The following IMMP2L variants were observed in gnomAD, a reference collection of about 807,000 sequenced individuals.
IMMP2L encodes inner mitochondrial membrane peptidase subunit 2, also known as mitochondrial inner membrane protease subunit 2.
Under a neutral mutation model 19.3 loss-of-function variants are expected in IMMP2L, and 18 were observed. That is an observed-to-expected ratio of 0.93 (90% CI 0.64 to 1.38). The LOEUF is 1.38. IMMP2L is among the 40% of genes most tolerant of loss of function. The pLI is 0.00. For missense variants in IMMP2L, 233 were observed against 218.2 expected (o/e 1.07, Z -0.43); for synonymous variants, 76 against 73.0 (o/e 1.04, Z -0.21).
intron 2 of IMMP2L, among the ~76,000 whole-genome samples, chr7:111,499,921 C>A (rs1414633530): frequency 6.6e-6 from 1 of 152,068 alleles, no homozygotes; most frequent in Non-Finnish European, 1.5e-5. Context: ...TCTGAGGTAC[C>A]GGGTTCATCT....
At chr7:111,249,934 G>C (rs192800653) in intron 3 of IMMP2L, among the ~76,000 whole-genome samples, 175 of 152,232 alleles carry the variant, frequency 1.1e-3, no homozygotes, top group Non-Finnish European at 2.2e-3. Flanking sequence ...AGAAATAAAG[G>C]ATATTCAAAC....
At chr7:110,682,776 T>G (rs973643740) in intron 5 of IMMP2L, among the ~76,000 whole-genome samples, 1 of 152,064 alleles carries the variant, frequency 6.6e-6, no homozygotes, top group Non-Finnish European at 1.5e-5. Flanking sequence ...AAGTAGAACT[T>G]AGAGATTCAG....
At chr7:110,948,541 C>T (rs1817483832) in intron 4 of IMMP2L, among the ~76,000 whole-genome samples, 1 of 152,122 alleles carries the variant, frequency 6.6e-6, no homozygotes, top group South Asian at 2.1e-4. Context: ...GAATAGTATT[C>T]TGATACAGAA....
At chr7:111,195,881 C>CATTTT (rs1181064427) in intron 3 of IMMP2L, among the ~76,000 whole-genome samples, 1 of 67,262 alleles carries the variant, frequency 1.5e-5, no homozygotes, top group Admixed American at 1.6e-4. Context: ...CATTTCATTT[C>CATTTT]ATTTTATTTT....
chr7:110,807,939 A>G (rs531932268), intron 5 of IMMP2L, among the ~76,000 whole-genome samples: 3 of 152,160 alleles, frequency 2.0e-5, no homozygotes, highest in Admixed American at 2.0e-4. Flanking sequence ...TATGATTACA[A>G]TGGTTTCTAG....
At chr7:111,484,976 CAG>C (rs1460089523) in intron 3 of IMMP2L, among the ~76,000 whole-genome samples, 1 of 151,990 alleles carries the variant, frequency 6.6e-6, no homozygotes, top group African/African-American at 2.4e-5. Flanking sequence ...TTTGTAGAGA[CAG>C]GGTTTCACCG....
chr7:111,129,000 T>C (rs1307946955), intron 3 of IMMP2L, among the ~76,000 whole-genome samples: 1 of 152,220 alleles, frequency 6.6e-6, no homozygotes, highest in African/African-American at 2.4e-5. Context: ...CAACTTACTC[T>C]ATCCACATTA....
chr7:111,016,966 TATA>T (rs1206815649), intron 3 of IMMP2L, among the ~76,000 whole-genome samples: 1 of 122,544 alleles, frequency 8.2e-6, no homozygotes, highest in Non-Finnish European at 1.6e-5. Flanking sequence ...TAATTATATG[TATA>T]ATTATATATA....
chr7:111,119,068 A>G lies in IMMP2L; in HGVS notation c.240-155503T>C, dbSNP rs145843136. ...CCCCAGAAAGAATGCCTCATCTTTAATATTTCCAAACCTCTAGTTAACTTA... is the reference window on the plus strand; with the variant it reads ...CCCCAGAAAGAATGCCTCATCTTTAGTATTTCCAAACCTCTAGTTAACTTA... On this transcript the variant is annotated intron_variant, in intron 3 of 5. Coordinates refer to ENST00000405709, the MANE Select transcript of IMMP2L (RefSeq NM_032549.4). Among the ~76,000 whole-genome samples the G allele has an allele frequency of 3.1e-3, 468 of 152,318 alleles. 10 individuals carry two copies. Among genetic ancestry groups the G allele is most frequent in the Admixed American group, 0.028 (431 of 15,296 alleles).
intron 3 of IMMP2L, among the ~76,000 whole-genome samples, chr7:111,131,816 T>C (rs960141529): frequency 9.2e-5 from 14 of 151,910 alleles, no homozygotes; most frequent in Admixed American, 7.9e-4. Flanking sequence ...ATACGAACTA[T>C]ATATTCATAT....
chr7:110,749,211 A>T (rs1222713062), intron 5 of IMMP2L, among the ~76,000 whole-genome samples: 3 of 152,252 alleles, frequency 2.0e-5, no homozygotes, highest in Non-Finnish European at 4.4e-5. Context: ...ATCTCATGCC[A>T]GTTAGAATGG....
At chr7:111,052,904 C>T (rs1793129197) in intron 3 of IMMP2L, among the ~76,000 whole-genome samples, 1 of 152,172 alleles carries the variant, frequency 6.6e-6, no homozygotes, top group Non-Finnish European at 1.5e-5. Flanking sequence ...GGTCATTCCC[C>T]TGTTCTTTCC....
intron 2 of IMMP2L, among the ~76,000 whole-genome samples, chr7:111,496,098 A>G (rs1057279290): frequency 1.3e-5 from 2 of 152,180 alleles, no homozygotes; most frequent in Non-Finnish European, 2.9e-5. Flanking sequence ...AGCATGAAGT[A>G]AGTACAGTTA....
At chr7:110,788,955 C>T (rs2396276) in intron 5 of IMMP2L, among the ~76,000 whole-genome samples, 143,988 of 151,668 alleles carry the variant, frequency 0.95, 68,438 homozygotes, top group East Asian at 0.98. Flanking sequence ...AATGCAATTC[C>T]AATTGGCTCT....
chr7:110,951,582 T>C (rs913232280), intron 4 of IMMP2L, among the ~76,000 whole-genome samples: 1 of 151,718 alleles, frequency 6.6e-6, no homozygotes, highest in Non-Finnish European at 1.5e-5. Flanking sequence ...TGTGTATACA[T>C]ATATATATTT....
chr7:111,314,148 C>T (rs1478120983), intron 3 of IMMP2L, among the ~76,000 whole-genome samples: 1 of 152,060 alleles, frequency 6.6e-6, no homozygotes, highest in Non-Finnish European at 1.5e-5. Flanking sequence ...ATAAATTGCC[C>T]AGTTTCAGGT....
chr7:111,346,969 T>C (rs1038243958), intron 3 of IMMP2L, among the ~76,000 whole-genome samples: 20 of 152,136 alleles, frequency 1.3e-4, no homozygotes, highest in African/African-American at 4.8e-4. Flanking sequence ...TGATAATAGA[T>C]GGCAGAGGGT....
chr7:111,494,868 GC>G (rs1330836708), intron 2 of IMMP2L, among the ~76,000 whole-genome samples: 2 of 152,018 alleles, frequency 1.3e-5, no homozygotes, highest in Middle Eastern at 3.2e-3. Context: ...TTTAAATATT[GC>G]CCTGCACATT....
At chr7:111,340,916 G>A (rs974729155) in intron 3 of IMMP2L, among the ~76,000 whole-genome samples, 1 of 152,032 alleles carries the variant, frequency 6.6e-6, no homozygotes, top group Non-Finnish European at 1.5e-5. Flanking sequence ...TCTGGGTAAA[G>A]ACAGGAAGGT....
Sources: gnomAD v4.1 joint callset for allele counts (sites outside exome capture counted in the v4.1 genomes callset) on GRCh38, gnomAD v4.1.1 for gene constraint, MANE v1.5 for transcripts, NCBI Gene and HGNC (gene_info 2026-07-23, HGNC 2026-07-21) for gene names.